Variants in PTGR1 observed in about 807,000 individuals in gnomAD.
The protein encoded by PTGR1 is 15-oxoprostaglandin 13-reductase.
A neutral mutation model predicts 37.7 loss-of-function variants in PTGR1; 23 were observed. The observed-to-expected ratio is 0.61, with a 90% CI of 0.44 to 0.86. PTGR1 has a LOEUF of 0.86. PTGR1 is among the 40% of genes least tolerant of loss of function. PTGR1 has a pLI of 0.00. For synonymous variants in PTGR1, 134 were observed against 140.0 expected, an observed-to-expected ratio of 0.96 and a Z score of 0.30; for missense variants, 351 against 394.3, an observed-to-expected ratio of 0.89 and a Z score of 0.93.
At chr9:111,567,135 G>A (rs572602178) in intron 9 of PTGR1, among the ~76,000 whole-genome samples, 31 of 151,628 alleles carry the variant, frequency 2.0e-4, no homozygotes, top group Admixed American at 1.1e-3. Flanking sequence ...GATCAAGAAT[G>A]AAGAGGGAAT....
Position 111,578,861 on chromosome 9 carries a change from C to A in PTGR1, c.586G>T (p.Val196Leu), listed in dbSNP as rs753027225. 10 of 1,612,710 alleles carry A rather than the reference C, an allele frequency of 6.2e-6. No individual in the cohort carries two copies. Among genetic ancestry groups the A allele is most frequent in the South Asian group, 1.1e-5 (1 of 91,004 alleles). ...TTCAAGGTTTCTTCCAAAGACTCTA[C>A]CGTCTTGTAGTTAAAGACGACATCA... ...GFDVVFNYKT[V>L]ESLEETLKKA... The change falls in exon 7 of 10, where the codon GTA becomes TTA. Residue 196 changes from valine to leucine, a missense_variant. Physicochemically the swap from Val to Leu is conservative, Grantham distance 32. Transcript: ENST00000407693.
At chr9:111,554,278 G>A (rs1016291737) in intron 9 of PTGR1, among the ~76,000 whole-genome samples, 8 of 151,838 alleles carry the variant, frequency 5.3e-5, no homozygotes, top group South Asian at 2.1e-4. Flanking sequence ...TACAGATCCT[G>A]TAACTAAGAA....
intron 9 of PTGR1, among the ~76,000 whole-genome samples, chr9:111,551,405 T>TG (rs1297489977): frequency 7.3e-6 from 1 of 136,676 alleles, no homozygotes; most frequent in Non-Finnish European, 1.6e-5. Context: ...TTTTTGTTTT[T>TG]TTTTTTTTTT....
intron 6 of PTGR1, among the ~76,000 whole-genome samples, chr9:111,580,946 T>C (rs996766437): frequency 2.6e-5 from 4 of 152,186 alleles, no homozygotes; most frequent in Admixed American, 6.5e-5. Flanking sequence ...TCTTTAAGGA[T>C]TGAGTATAAA....
chr9:111,593,521 C>G (rs1829683976), intron 3 of PTGR1, among the ~76,000 whole-genome samples: 1 of 152,148 alleles, frequency 6.6e-6, no homozygotes, highest in African/African-American at 2.4e-5. Context: ...CCTGAGTTGT[C>G]TGCTGAGTAT....
At chr9:111,576,250 T>TAG in intron 7 of PTGR1, 1 of 994,220 alleles carries the variant, frequency 1.0e-6, no homozygotes, top group Non-Finnish European at 1.5e-6. Context: ...GCAAGCCATA[T>TAG]AGAGTTGGTC....
intron 1 of PTGR1, among the ~76,000 whole-genome samples, chr9:111,598,561 C>G (rs112459516): frequency 0.024 from 3,662 of 152,266 alleles, 75 homozygotes; most frequent in Non-Finnish European, 0.037. Context: ...ATGGCGCGAT[C>G]TCAGCTCACT....
In PTGR1 at chr9:111,594,248, C is replaced by A. The variant is rs772530303; in HGVS notation, c.126G>T (p.Leu42Phe). ...LKNGEVLLEA[L>F]FLTVDPYMRV... ...TCATGTAGGGATCCACGGTGAGGAA[C>A]AAAGCTTCAAGCAGGACCTCTACAA... The change falls in exon 3 of 10, where the codon TTG (leucine) becomes TTT (phenylalanine). Residue 42 changes from leucine (L) to phenylalanine (F), a missense_variant. Coordinates refer to ENST00000407693, the MANE Select transcript of PTGR1 (RefSeq NM_001146108.2). The A allele has an allele frequency of 2.5e-6, 4 of 1,613,540 alleles. No homozygotes were observed. The Admixed American group carries it at 6.7e-5, about 27-fold the overall frequency.
chr9:111,554,943 G>T (rs890441201), intron 9 of PTGR1, among the ~76,000 whole-genome samples: 3 of 152,144 alleles, frequency 2.0e-5, no homozygotes, highest in African/African-American at 7.2e-5. Flanking sequence ...CTAAATGTCA[G>T]TGCCTGTTAA....
At chr9:111,586,676 C>T (rs572759499) in intron 4 of PTGR1, among the ~76,000 whole-genome samples, 5 of 152,114 alleles carry the variant, frequency 3.3e-5, no homozygotes, top group African/African-American at 4.8e-5. Context: ...TGTGCTAACC[C>T]GCTGCAACCT....
Position 111,586,117 on chromosome 9 carries a change from C to G in PTGR1, c.258G>C (p.Leu86=). ...AGTGCGTTGTCCAGCCTGGAGAAGC[C>G]AGTACAATAGTTCCTTTTGGTAGGG... ...NVALPKGTIV[L]ASPGWTTHSI... The change falls in exon 5 of 10, where the codon CTG becomes CTC. Residue 86 remains leucine, a synonymous_variant. Coordinates refer to ENST00000407693, the MANE Select transcript of PTGR1 (RefSeq NM_001146108.2). 1.2e-6 allele frequency: 2 copies of G among 1,614,186 alleles called. No individual in the cohort carries two copies. The highest frequency in any genetic ancestry group is 1.7e-6 in the Non-Finnish European group (2 of 1,180,024).
chr9:111,574,904 T>C, intron 7 of PTGR1, 62 bp from the exon 8 acceptor site: 1 of 1,310,604 alleles, frequency 7.6e-7, no homozygotes, highest in Non-Finnish European at 1.1e-6. Context: ...AGGAGAATCA[T>C]TAAGTCACAA....
exon 10 of PTGR1, chr9:111,549,750 C>T (rs964289698): frequency 1.3e-6 from 2 of 1,550,476 alleles, no homozygotes; most frequent in Admixed American, 2.0e-5. Flanking sequence ...TACATATTCC[C>T]TTCATTTTTC....
chr9:111,566,923 C>T (rs370813394), intron 9 of PTGR1, among the ~76,000 whole-genome samples: 7 of 151,862 alleles, frequency 4.6e-5, no homozygotes, highest in East Asian at 1.9e-4. Flanking sequence ...CCCTTCTCTA[C>T]GAAAAACACA....
chr9:111,598,552 T>A (rs1224683867), intron 1 of PTGR1, among the ~76,000 whole-genome samples: 1 of 152,198 alleles, frequency 6.6e-6, no homozygotes. Context: ...TGAAGTGCAA[T>A]GGCGCGATCT....
chr9:111,583,671 T>C (rs1306588816), intron 5 of PTGR1, 82 bp from the exon 6 acceptor site: 1 of 1,154,778 alleles, frequency 8.7e-7, no homozygotes, highest in Non-Finnish European at 1.3e-6. Flanking sequence ...GAAAGCCTTC[T>C]CAGTGGCCCA....
chr9:111,571,702 T>C (rs1564613932), intron 8 of PTGR1, among the ~76,000 whole-genome samples: 1 of 152,112 alleles, frequency 6.6e-6, no homozygotes, highest in African/African-American at 2.4e-5. Flanking sequence ...AGAGATGAGG[T>C]CTTACTCTAT....
chr9:111,563,984 C>T (rs1828431470), intron 9 of PTGR1: 1 of 160,654 alleles, frequency 6.2e-6, no homozygotes, highest in Admixed American at 6.5e-5. Context: ...CCCTTTAAGC[C>T]AAGGTTCTTT....
chr9:111,578,591 G>A lies in PTGR1; in HGVS notation c.651+205C>T, dbSNP rs73656268. On this transcript the variant is annotated intron_variant, in intron 7 of 9. Transcript: ENST00000407693. ...GCTGCCACTGTTCTGAGAAGAGGCG[G>A]AGCTCAGGCAGTAATGGGAGCAATG... 5.4e-3 allele frequency among the ~76,000 whole-genome samples: 829 copies of A among 152,208 alleles called. 5 individuals carry two copies. The highest frequency in any genetic ancestry group is 0.019 in the African/African-American group (798 of 41,522).
Sources: gnomAD v4.1 joint callset for allele counts (sites outside exome capture counted in the v4.1 genomes callset) on GRCh38, gnomAD v4.1.1 for gene constraint, MANE v1.5 for transcripts, NCBI Gene and HGNC (gene_info 2026-07-23, HGNC 2026-07-21) for gene names.